Variants in NOX3 observed in about 807,000 individuals in gnomAD.
NOX3 encodes NADPH oxidase 3, also known as NADPH oxidase catalytic subunit-like 3.
In NOX3, 74 loss-of-function variants were observed where a neutral mutation model predicts 76.7. The observed-to-expected ratio is 0.96, with a 90% confidence interval of 0.80 to 1.17. NOX3 has a LOEUF of 1.17. Among genes scored for constraint, NOX3 ranks in the 50% most tolerant of loss-of-function variants. The pLI, the probability that NOX3 is intolerant of heterozygous loss-of-function variation, is 0.00. For synonymous variants in NOX3, 263 were observed against 261.1 expected (o/e 1.01, Z -0.07); for missense variants, 695 against 703.3 (o/e 0.99, Z 0.13).
At chr6:155,412,839 A>G (rs1199464701) in intron 10 of NOX3, among the ~76,000 whole-genome samples, 2 of 152,194 alleles carry the variant, frequency 1.3e-5, no homozygotes, top group South Asian at 2.1e-4. Flanking sequence ...ATACAAGTGA[A>G]CAAGACAGGG....
intron 7 of NOX3, among the ~76,000 whole-genome samples, chr6:155,431,238 T>C (rs1164757489): frequency 6.6e-6 from 1 of 152,148 alleles, no homozygotes; most frequent in Non-Finnish European, 1.5e-5. Context: ...AAAAAGCAGA[T>C]TGATGTTTAT....
At chr6:155,397,127 C>T (rs1162960900) in intron 12 of NOX3, among the ~76,000 whole-genome samples, 165 bp from the exon 13 acceptor site, 2 of 151,968 alleles carry the variant, frequency 1.3e-5, no homozygotes, top group Non-Finnish European at 2.9e-5. Context: ...ACTTTCAGCA[C>T]CATGCTCTCT....
chr6:155,426,984 C>CGTGTGCGCGT (rs1554263747), intron 9 of NOX3, among the ~76,000 whole-genome samples: 3 of 41,906 alleles, frequency 7.2e-5, no homozygotes. Context: ...GACACTGTGG[C>CGTGTGCGCGT]GTGTGTGTGT....
intron 10 of NOX3, among the ~76,000 whole-genome samples, chr6:155,416,485 T>A (rs1458408695): frequency 6.6e-6 from 1 of 152,220 alleles, no homozygotes; most frequent in Non-Finnish European, 1.5e-5. Context: ...TAAGCCTACC[T>A]AATGTGTAAA....
rs1777207275 is a variant in NOX3 at position 155,455,808 on chromosome 6, G to A, written c.-8C>T. On this transcript the variant is annotated 5_prime_UTR_variant, in exon 1 of 14. Transcript: ENST00000159060. ...AATCCAGCACCCCATCATGATACTT[G>A]TTGCTCTTCGGCTGTCAGGAAATTT... is the stretch of plus-strand genomic sequence containing the variant. 3 of 1,613,686 alleles carry A rather than the reference G, an allele frequency of 1.9e-6. No homozygotes were observed. The highest frequency in any genetic ancestry group is 2.7e-5 in the African/African-American group (2 of 75,006).
intron 8 of NOX3, among the ~76,000 whole-genome samples, chr6:155,430,232 C>T (rs1008670032): frequency 8.5e-5 from 13 of 152,216 alleles, no homozygotes; most frequent in East Asian, 1.9e-4. Context: ...TACCCCTTCC[C>T]GTCTTCCTCC....
At position 155,453,403 on chromosome 6, in the gene NOX3, C is replaced by T; in HGVS notation, c.340+1G>A. 2 of 1,601,478 alleles carry T rather than the reference C, an allele frequency of 1.2e-6. No individual in the cohort carries two copies. The highest frequency in any genetic ancestry group is 1.7e-6 in the Non-Finnish European group (2 of 1,168,402). On this transcript the variant is annotated splice_donor_variant, in intron 4 of 13. Transcript: ENST00000159060. LOFTEE classifies it high-confidence loss of function. ...CCATTGAGCAATTAATAAGTACTTA[C>T]TTGCATTAACAGCTATCCCATAGGC...
intron 4 of NOX3, 75 bp downstream of exon 4, chr6:155,453,329 G>A (rs1174795631): frequency 8.8e-7 from 1 of 1,133,452 alleles, no homozygotes; most frequent in Non-Finnish European, 1.3e-6. Flanking sequence ...ACTTGGGGAA[G>A]GCAGAGTTAA....
Position 155,443,262 on chromosome 6 carries a change from C to A in NOX3, c.486+11G>T. 1 of 1,609,800 alleles carries A rather than the reference C, an allele frequency of 6.2e-7. No individual in the cohort carries two copies. The highest frequency in any genetic ancestry group is 2.2e-5 in the East Asian group (1 of 44,658). On this transcript the variant is annotated intron_variant, in intron 5 of 13. Transcript: ENST00000159060. ...TTCAGGGGAGAAGCTTGTTAGCATG[C>A]AGGAACTCACTGTGGGGAAGGTCCG...
chr6:155,413,180 C>T (rs569773756), intron 10 of NOX3, among the ~76,000 whole-genome samples: 17 of 151,964 alleles, frequency 1.1e-4, no homozygotes, highest in Non-Finnish European at 2.5e-4. Context: ...GAGAAGGGGA[C>T]ATTGGAGCAA....
chr6:155,436,646 C>T, intron 6 of NOX3, 99 bp from the exon 7 acceptor site: 13 of 1,224,314 alleles, frequency 1.1e-5, no homozygotes, highest in African/African-American at 1.5e-5. Context: ...CTACAGTGAG[C>T]TCTGAAATAT....
Position 155,439,984 on chromosome 6 carries a change from A to G in NOX3, c.640T>C (p.Phe214Leu). The change falls in exon 6 of 14, where the codon TTT becomes CTT. Residue 214 changes from phenylalanine (F) to leucine (L), a missense_variant. Coordinates refer to ENST00000159060, the MANE Select transcript of NOX3 (RefSeq NM_015718.3). ...WYTHHVFIVF[F>L]LSLAIHGTGR... ...GTCCCATGGATGGCCAGGCTGAGAA[A>G]GAAGACGATGAAAACATGGTGTGTG... is the stretch of plus-strand genomic sequence containing the variant. The G allele has an allele frequency of 6.2e-7, 1 of 1,614,064 alleles. No individual in the cohort carries two copies. The highest frequency in any genetic ancestry group is 8.5e-7 in the Non-Finnish European group (1 of 1,179,994).
chr6:155,409,485 T>C (rs1005246337), intron 11 of NOX3, among the ~76,000 whole-genome samples: 5 of 152,218 alleles, frequency 3.3e-5, no homozygotes, highest in Admixed American at 1.3e-4. Flanking sequence ...CAATCACTGA[T>C]GTTCAAACAT....
Position 155,436,439 on chromosome 6 carries a change from T to C in NOX3, c.777A>G (p.Gln259=). The C allele has an allele frequency of 1.9e-6, 3 of 1,614,134 alleles. No homozygotes were observed. Among genetic ancestry groups the C allele is most frequent in the Non-Finnish European group, 2.5e-6 (3 of 1,179,996 alleles). ...TTACCGAGGGTTCCTTGCCAGAAAA[T>C]TGAGGCACGGGGCATTGGGCCACTG... ...WQTVAQCPVP[Q]FSGKEPSAWK... is the part of the protein sequence containing the mutation. Residue 259 remains glutamine, a synonymous_variant, in exon 7 of 14, where the codon CAA becomes CAG. Coordinates refer to ENST00000159060, the MANE Select transcript of NOX3 (RefSeq NM_015718.3).
At chr6:155,420,380 G>C (rs1024987124) in intron 10 of NOX3, among the ~76,000 whole-genome samples, 2 of 152,178 alleles carry the variant, frequency 1.3e-5, no homozygotes, top group Non-Finnish European at 2.9e-5. Flanking sequence ...GATTTACTTG[G>C]TAGGCAGCAA....
At chr6:155,453,045 G>A (rs1159276140) in intron 4 of NOX3, among the ~76,000 whole-genome samples, 3 of 151,530 alleles carry the variant, frequency 2.0e-5, no homozygotes, top group East Asian at 1.9e-4. Flanking sequence ...ATTTTCCTAC[G>A]ACTGTGAATG....
At chr6:155,422,551 T>C (rs1228315663) in intron 10 of NOX3, 143 bp downstream of exon 10, 1 of 733,308 alleles carries the variant, frequency 1.4e-6, no homozygotes, top group Admixed American at 3.0e-5. Flanking sequence ...AGTGGAGATT[T>C]TTAAGAACAT....
At chr6:155,425,831 C>T (rs1776748629) in intron 9 of NOX3, among the ~76,000 whole-genome samples, 1 of 152,224 alleles carries the variant, frequency 6.6e-6, no homozygotes, top group African/African-American at 2.4e-5. Context: ...ACTCCATCAA[C>T]TGAGAAATTC....
intron 12 of NOX3, among the ~76,000 whole-genome samples, chr6:155,402,801 C>T (rs766494151): frequency 1.4e-4 from 21 of 152,312 alleles, no homozygotes; most frequent in South Asian, 6.2e-4. Context: ...GGAGAATCCT[C>T]GGCTTCGTGC....
Sources: gnomAD v4.1 joint callset for allele counts (sites outside exome capture counted in the v4.1 genomes callset) on GRCh38, gnomAD v4.1.1 for gene constraint, MANE v1.5 for transcripts, NCBI Gene and HGNC (gene_info 2026-07-23, HGNC 2026-07-21) for gene names.